Variants in ALK observed in about 807,000 individuals in gnomAD.
ALK encodes the protein ALK tyrosine kinase receptor.
A neutral mutation model predicts 163.1 loss-of-function variants in ALK; 74 were observed. The observed-to-expected ratio is 0.45, with a 90% confidence interval of 0.38 to 0.55. ALK has a LOEUF of 0.55. Among genes scored for constraint, ALK ranks in the 20% least tolerant of loss-of-function variants. The pLI is 0.00. For synonymous variants in ALK, 960 were observed against 843.2 expected, an observed-to-expected ratio of 1.14 and a Z score of -2.40; for missense variants, 2,063 against 2,105.3, an observed-to-expected ratio of 0.98 and a Z score of 0.39.
chr2:29,213,053 T>C (rs1013414955), intron 24 of ALK, among the ~76,000 whole-genome samples: 7 of 152,256 alleles, frequency 4.6e-5, no homozygotes, highest in African/African-American at 1.7e-4. Flanking sequence ...CATATTTTAA[T>C]TATTATGAAC....
chr2:29,426,439 C>A (rs974651389), intron 4 of ALK, among the ~76,000 whole-genome samples: 1 of 152,066 alleles, frequency 6.6e-6, no homozygotes, highest in Non-Finnish European at 1.5e-5. Flanking sequence ...TACAAAGCAA[C>A]CTCAAAAAGA....
intron 3 of ALK, among the ~76,000 whole-genome samples, chr2:29,666,746 T>C (rs1056426349): frequency 2.6e-5 from 4 of 152,104 alleles, no homozygotes; most frequent in Admixed American, 2.6e-4. Context: ...ACATAAAATT[T>C]ACTGTCTTTA....
At chr2:29,522,327 A>G (rs1672836575) in intron 4 of ALK, among the ~76,000 whole-genome samples, 1 of 152,202 alleles carries the variant, frequency 6.6e-6, no homozygotes, top group Admixed American at 6.5e-5. Flanking sequence ...AGATGAGCTG[A>G]CACATGCAAA....
At chr2:29,635,424 T>C (rs972388695) in intron 3 of ALK, among the ~76,000 whole-genome samples, 4 of 152,112 alleles carry the variant, frequency 2.6e-5, no homozygotes, top group Non-Finnish European at 4.4e-5. Flanking sequence ...GTACAGATAT[T>C]ATGCAGAGAT....
At chr2:29,682,805 C>G (rs895039318) in intron 3 of ALK, among the ~76,000 whole-genome samples, 1 of 152,048 alleles carries the variant, frequency 6.6e-6, no homozygotes, top group Non-Finnish European at 1.5e-5. Flanking sequence ...CCATTCTTAG[C>G]AAAATATTTC....
At chr2:29,232,103 C>A (rs1282555092) in intron 15 of ALK, among the ~76,000 whole-genome samples, 4 of 152,180 alleles carry the variant, frequency 2.6e-5, no homozygotes, top group African/African-American at 9.7e-5. Context: ...TTCTACAAGT[C>A]CAAGCTCCAG....
chr2:29,558,223 TCA>T (rs1673918266), intron 3 of ALK, among the ~76,000 whole-genome samples: 1 of 152,228 alleles, frequency 6.6e-6, no homozygotes, highest in African/African-American at 2.4e-5. Context: ...TTGAGATTAC[TCA>T]CAGAGACAGA....
At chr2:29,560,179 G>A (rs1673981162) in intron 3 of ALK, among the ~76,000 whole-genome samples, 1 of 152,104 alleles carries the variant, frequency 6.6e-6, no homozygotes. Flanking sequence ...GTACGTAATA[G>A]CCAAAGAGTG....
At chr2:29,279,894 T>C (rs560070023) in intron 9 of ALK, among the ~76,000 whole-genome samples, 104 of 152,352 alleles carry the variant, frequency 6.8e-4, no homozygotes, top group South Asian at 2.1e-3. Context: ...TTCTGGCATG[T>C]ACCAGGTGGA....
At chr2:29,306,332 C>A (rs985814980) in intron 8 of ALK, among the ~76,000 whole-genome samples, 3 of 152,240 alleles carry the variant, frequency 2.0e-5, no homozygotes, top group Non-Finnish European at 4.4e-5. Flanking sequence ...GGAGTCCACA[C>A]TATGCTCTGT....
intron 8 of ALK, among the ~76,000 whole-genome samples, chr2:29,314,666 C>G (rs1027011759): frequency 2.0e-5 from 3 of 152,114 alleles, no homozygotes; most frequent in Admixed American, 6.6e-5. Flanking sequence ...GCTTCCATGC[C>G]TTGGAGGGGA....
intron 3 of ALK, among the ~76,000 whole-genome samples, chr2:29,555,543 T>G (rs75496060): frequency 0.011 from 1,619 of 152,312 alleles, 16 homozygotes; most frequent in African/African-American, 0.027. Context: ...ATGTCTGTTC[T>G]CTCCACCCCT....
chr2:29,361,346 T>A (rs1014719806), intron 5 of ALK, among the ~76,000 whole-genome samples: 3 of 152,158 alleles, frequency 2.0e-5, no homozygotes, highest in African/African-American at 7.2e-5. Flanking sequence ...GAGATAATAT[T>A]CCACATTCCA....
chr2:29,280,792 T>C (rs1395228460), intron 9 of ALK, among the ~76,000 whole-genome samples: 2 of 151,252 alleles, frequency 1.3e-5, no homozygotes, highest in African/African-American at 2.4e-5. Flanking sequence ...AGTAGACCAC[T>C]CTGGGACTGA....
intron 12 of ALK, among the ~76,000 whole-genome samples, chr2:29,250,342 G>C (rs973529699): frequency 6.6e-6 from 1 of 152,204 alleles, no homozygotes; most frequent in Admixed American, 6.5e-5. Context: ...CCTAGTCATA[G>C]AGCTCGTTTG....
chr2:29,373,324 G>C (rs1001667118), intron 5 of ALK, among the ~76,000 whole-genome samples: 2 of 152,164 alleles, frequency 1.3e-5, no homozygotes, highest in Non-Finnish European at 2.9e-5. Context: ...ACATTAGTTA[G>C]AGAATGAAAT....
At chr2:29,707,478 C>A (rs763139223) in intron 2 of ALK, among the ~76,000 whole-genome samples, 15 of 152,052 alleles carry the variant, frequency 9.9e-5, no homozygotes, top group Non-Finnish European at 2.2e-4. Context: ...GACCAAAGGT[C>A]CACAGAAAAA....
rs562110249 is a variant in ALK at position 29,398,471 on chromosome 2, T to C, written c.1155-14612A>G. Among the ~76,000 whole-genome samples, 2 of 152,260 alleles carry C rather than the reference T, an allele frequency of 1.3e-5. 1 individual carries two copies. Among genetic ancestry groups the C allele is most frequent in the African/African-American group, 4.8e-5 (2 of 41,554 alleles). On this transcript the variant is annotated intron_variant, in intron 4 of 28. Coordinates refer to ENST00000389048, the MANE Select transcript of ALK (RefSeq NM_004304.5). Reference sequence around the variant, plus strand: ...TACAGAGCTTCCTGGACACCCACTGTTTTATAAGTGTCACTATAGCCACTG... The same window carrying C: ...TACAGAGCTTCCTGGACACCCACTGCTTTATAAGTGTCACTATAGCCACTG...
intron 9 of ALK, among the ~76,000 whole-genome samples, chr2:29,281,944 C>T (rs1665729001): frequency 6.6e-6 from 1 of 152,198 alleles, no homozygotes; most frequent in African/African-American, 2.4e-5. Context: ...ATTGACAAAC[C>T]TAATTAAGTT....
Sources: allele counts gnomAD v4.1 joint callset (sites outside exome capture counted in the v4.1 genomes callset), GRCh38; gene constraint gnomAD v4.1.1; transcripts MANE v1.5; gene names NCBI Gene and HGNC (gene_info 2026-07-23, HGNC 2026-07-21).